Variants in KCNK1 observed in about 807,000 individuals in gnomAD.
The protein encoded by KCNK1 is potassium two pore domain channel subfamily K member 1.
A neutral mutation model predicts 22.2 loss-of-function variants in KCNK1; 10 were observed. That is an observed-to-expected ratio of 0.45 (90% CI 0.28 to 0.76). The LOEUF is 0.76. Ranked by LOEUF, KCNK1 falls within the 30% of genes least tolerant of loss-of-function variation. The pLI is 0.14. For missense variants in KCNK1, 378 were observed against 421.0 expected (o/e 0.90, Z 0.89); for synonymous variants, 200 against 186.4 (o/e 1.07, Z -0.60).
At position 233,614,182 on chromosome 1, in the gene KCNK1, C is replaced by T; in HGVS notation, c.11C>T (p.Ser4Phe). 1 of 1,602,882 alleles carries T rather than the reference C, an allele frequency of 6.2e-7. No homozygotes were observed. Among genetic ancestry groups the T allele is most frequent in the South Asian group, 1.1e-5 (1 of 90,398 alleles). ...GCGGCGGTGGAGAAGATGCTGCAGT[C>T]CCTGGCCGGCAGCTCGTGCGTGCGC... MLQ[S>F]LAGSSCVRLV... Residue 4 changes from serine to phenylalanine, a missense_variant, in exon 1 of 3, where the codon TCC (serine) becomes TTC (phenylalanine). Ser to Phe is a radical substitution (Grantham distance 155). Coordinates refer to ENST00000366621, the MANE Select transcript of KCNK1 (RefSeq NM_002245.4).
chr1:233,668,217 C>T (rs934607083), intron 2 of KCNK1, among the ~76,000 whole-genome samples: 4 of 152,146 alleles, frequency 2.6e-5, no homozygotes, highest in Admixed American at 6.5e-5. Flanking sequence ...TACGACTTGG[C>T]TCAGGTCACG....
chr1:233,649,851 T>C, intron 1 of KCNK1: 1 of 444,206 alleles, frequency 2.3e-6, no homozygotes, highest in Non-Finnish European at 4.6e-6. Context: ...GGGAATGAAA[T>C]CTTTGGGCAC....
intron 1 of KCNK1, among the ~76,000 whole-genome samples, chr1:233,647,271 T>C (rs1211041417): frequency 6.6e-6 from 1 of 152,218 alleles, no homozygotes; most frequent in African/African-American, 2.4e-5. Flanking sequence ...TAGCCATTCA[T>C]CTTGAGGGAG....
At chr1:233,652,960 A>G (rs1658226478) in intron 1 of KCNK1, among the ~76,000 whole-genome samples, 3 of 152,234 alleles carry the variant, frequency 2.0e-5, no homozygotes, top group Non-Finnish European at 2.9e-5. Flanking sequence ...TCCTAAGGAC[A>G]GTAAAGGACT....
At position 233,670,990 on chromosome 1, in the gene KCNK1, C is replaced by T. The variant is rs73107505; in HGVS notation, c.752-281C>T. On this transcript the variant is annotated intron_variant, in intron 2 of 2. Transcript: ENST00000366621. ...TTATGTGTCTTTAATAATGCCACAT[C>T]AGCCCCAAGTATTTTTTTTTTCTCA... is the stretch of plus-strand genomic sequence containing the variant. Among the ~76,000 whole-genome samples the T allele has an allele frequency of 9.4e-3, 1,428 of 152,252 alleles. 31 individuals are homozygous for T. The highest frequency in any genetic ancestry group is 0.032 in the African/African-American group (1,333 of 41,532).
At chr1:233,662,345 A>G (rs562169630) in intron 1 of KCNK1, among the ~76,000 whole-genome samples, 27 of 151,930 alleles carry the variant, frequency 1.8e-4, no homozygotes, top group African/African-American at 6.3e-4. Context: ...GAATGTATAC[A>G]TTGTTCCATA....
At chr1:233,618,249 A>G (rs1385086894) in intron 1 of KCNK1, among the ~76,000 whole-genome samples, 1 of 152,168 alleles carries the variant, frequency 6.6e-6, no homozygotes, top group Non-Finnish European at 1.5e-5. Context: ...AGATACGGCA[A>G]CATCTGCATA....
intron 1 of KCNK1, among the ~76,000 whole-genome samples, chr1:233,650,659 T>C (rs1018717735): frequency 9.2e-5 from 14 of 152,150 alleles, no homozygotes; most frequent in Admixed American, 9.2e-4. Context: ...TAGGAAATAG[T>C]CTTCACATTT....
rs370399935 is a variant in KCNK1 at position 233,614,381 on chromosome 1, G to A, written c.210G>A (p.Leu70=). 1 of 1,611,256 alleles carries A rather than the reference G, an allele frequency of 6.2e-7. No homozygotes were observed. Among genetic ancestry groups the A allele is most frequent in the South Asian group, 1.1e-5 (1 of 90,324 alleles). Residue 70 remains leucine, a synonymous_variant, in exon 1 of 3, where the codon CTG becomes CTA. Coordinates refer to ENST00000366621, the MANE Select transcript of KCNK1 (RefSeq NM_002245.4). ...KRRFLEEHEC[L]SEQQLEQFLG... ...GCTTCTTGGAGGAGCACGAGTGCCT[G>A]TCTGAGCAGCAGCTGGAGCAGTTCC...
chr1:233,659,209 A>AT (rs1224245481), intron 1 of KCNK1, among the ~76,000 whole-genome samples: 15 of 149,938 alleles, frequency 1.0e-4, no homozygotes, highest in African/African-American at 1.2e-4. Flanking sequence ...TACTTTTTAG[A>AT]TTTTTTTTGT....
chr1:233,623,870 C>T lies in KCNK1; in HGVS notation c.355+9344C>T, dbSNP rs182592039. ...CCCAAAGTGCTGGGATTACAGGTAG[C>T]GTGAGCCACCGCACCTTGCCAAAAA... On this transcript the variant is annotated intron_variant, in intron 1 of 2. Transcript: ENST00000366621. 3.4e-3 allele frequency among the ~76,000 whole-genome samples: 510 copies of T among 152,068 alleles called. 6 individuals are homozygous for T. Among genetic ancestry groups the T allele is most frequent in the African/African-American group, 0.011 (439 of 41,472 alleles).
intron 1 of KCNK1, among the ~76,000 whole-genome samples, chr1:233,623,983 A>G (rs1657639007): frequency 6.6e-6 from 1 of 152,264 alleles, no homozygotes; most frequent in Admixed American, 6.5e-5. Context: ...TAAGGGATTT[A>G]GAGAGAGTAA....
intron 1 of KCNK1, among the ~76,000 whole-genome samples, chr1:233,622,235 T>C (rs1034476100): frequency 6.6e-6 from 1 of 152,182 alleles, no homozygotes; most frequent in African/African-American, 2.4e-5. Flanking sequence ...TCCAGAAGGT[T>C]CAGTTTACTA....
intron 1 of KCNK1, among the ~76,000 whole-genome samples, chr1:233,648,712 G>A (rs902954256): frequency 6.6e-6 from 1 of 152,010 alleles, no homozygotes; most frequent in Non-Finnish European, 1.5e-5. Context: ...GATTACAGAC[G>A]CGCACCACCA....
intron 1 of KCNK1, among the ~76,000 whole-genome samples, chr1:233,620,767 T>A (rs187701709): frequency 5.3e-4 from 81 of 152,256 alleles, no homozygotes; most frequent in Admixed American, 1.8e-3. Context: ...TATAAGAAAT[T>A]ACAGAGGGAA....
At chr1:233,646,195 G>A (rs1436369883) in intron 1 of KCNK1, among the ~76,000 whole-genome samples, 1 of 152,122 alleles carries the variant, frequency 6.6e-6, no homozygotes, top group Non-Finnish European at 1.5e-5. Context: ...ATGAAGGTCA[G>A]TAAGTTAGGA....
intron 1 of KCNK1, among the ~76,000 whole-genome samples, chr1:233,647,972 T>G (rs1658127975): frequency 6.6e-6 from 1 of 152,246 alleles, no homozygotes; most frequent in South Asian, 2.1e-4. Flanking sequence ...TTGGCCCCTG[T>G]GCTTTTGAAT....
chr1:233,655,112 A>G (rs554700978), intron 1 of KCNK1, among the ~76,000 whole-genome samples: 49 of 152,374 alleles, frequency 3.2e-4, no homozygotes, highest in Non-Finnish European at 5.7e-4. Flanking sequence ...GCAGGACCAC[A>G]GCCCTAGTGG....
rs1355190546 is a variant in KCNK1 at position 233,634,513 on chromosome 1, C to T, written c.355+19987C>T. Among the ~76,000 whole-genome samples the T allele has an allele frequency of 3.9e-5, 6 of 152,220 alleles. No individual in the cohort carries two copies. In the East Asian group the frequency reaches 9.7e-4, roughly 25 times the overall value. On this transcript the variant is annotated intron_variant, in intron 1 of 2. Coordinates refer to ENST00000366621, the MANE Select transcript of KCNK1 (RefSeq NM_002245.4). ...TATCAATAAATGGCTGCTTAATGTG[C>T]AGCAGTTGGAAGTGGCAGTACAGGT... is the stretch of plus-strand genomic sequence containing the variant.
Sources: gnomAD v4.1 joint callset for allele counts (sites outside exome capture counted in the v4.1 genomes callset) on GRCh38, gnomAD v4.1.1 for gene constraint, MANE v1.5 for transcripts, NCBI Gene and HGNC (gene_info 2026-07-23, HGNC 2026-07-21) for gene names.